Variants in CNTNAP5 observed in about 807,000 individuals in gnomAD.
CNTNAP5 encodes contactin-associated protein-like 5.
Under a neutral mutation model 150.2 loss-of-function variants are expected in CNTNAP5, and 72 were observed. That is an observed-to-expected ratio of 0.48 (90% confidence interval 0.40 to 0.58). The LOEUF is 0.58. CNTNAP5 is among the 20% of genes least tolerant of loss of function. CNTNAP5 has a pLI of 0.00. For missense variants in CNTNAP5, 1,636 were observed against 1,626.2 expected (o/e 1.01, Z -0.10); for synonymous variants, 672 against 619.8 (o/e 1.08, Z -1.25).
At chr2:124,242,128 T>C (rs1274509790) in intron 2 of CNTNAP5, 72 bp from the exon 3 acceptor site, 2 of 1,244,884 alleles carry the variant, frequency 1.6e-6, no homozygotes, top group Non-Finnish European at 2.3e-6. Flanking sequence ...TCATTTCCCT[T>C]TGATAGTTGA....
chr2:124,310,759 C>T (rs925998243), intron 3 of CNTNAP5, among the ~76,000 whole-genome samples: 2 of 152,074 alleles, frequency 1.3e-5, no homozygotes, highest in African/African-American at 4.8e-5. Flanking sequence ...ATAAAAATGG[C>T]TATTTTTAAA....
intron 1 of CNTNAP5, among the ~76,000 whole-genome samples, chr2:124,119,205 G>A (rs903691121): frequency 6.6e-5 from 10 of 152,100 alleles, no homozygotes; most frequent in South Asian, 2.1e-4. Flanking sequence ...CACTCTCATC[G>A]CGTCACTGCT....
chr2:124,776,214 T>TGAAGATG, intron 17 of CNTNAP5, among the ~76,000 whole-genome samples: 1 of 152,282 alleles, frequency 6.6e-6, no homozygotes, highest in East Asian at 1.9e-4. Flanking sequence ...GGAAATCTTG[T>TGAAGATG]GAAGATGGGG....
chr2:124,213,040 G>A lies in CNTNAP5; in HGVS notation c.83-8665G>A, dbSNP rs528609760. Among the ~76,000 whole-genome samples the A allele has an allele frequency of 2.1e-4, 32 of 151,792 alleles. 1 individual carries two copies. The South Asian group carries it at 5.2e-3, about 25-fold the overall frequency. Reference sequence around the variant, plus strand: ...TTTTTAGTAGAGACCGGGTTTCACCGTGTTAGCCAGGATGGTCTCGATCTC... The same window carrying A: ...TTTTTAGTAGAGACCGGGTTTCACCATGTTAGCCAGGATGGTCTCGATCTC... On this transcript the variant is annotated intron_variant, in intron 1 of 23. Transcript: ENST00000682447.
chr2:124,469,639 T>A (rs566046242), intron 6 of CNTNAP5, among the ~76,000 whole-genome samples: 1 of 152,020 alleles, frequency 6.6e-6, no homozygotes, highest in Non-Finnish European at 1.5e-5. Context: ...TAGGTAAACA[T>A]GTGTCATAGT....
At chr2:124,741,817 T>A (rs116517091) in intron 13 of CNTNAP5, among the ~76,000 whole-genome samples, 5,545 of 152,190 alleles carry the variant, frequency 0.036, 361 homozygotes, top group African/African-American at 0.13. Flanking sequence ...TTCCTCTCCC[T>A]CCTCCTCCTT....
At position 124,345,008 on chromosome 2, in the gene CNTNAP5, T is replaced by C. The variant is rs554324272; in HGVS notation, c.382-72435T>C. 7.2e-5 allele frequency among the ~76,000 whole-genome samples: 11 copies of C among 152,262 alleles called. 1 individual carries two copies. The South Asian group carries it at 2.3e-3, about 32-fold the overall frequency. On this transcript the variant is annotated intron_variant, in intron 3 of 23. Coordinates refer to ENST00000682447, the MANE Select transcript of CNTNAP5 (RefSeq NM_001367498.1). ...AAGTTATCAGTTCGGTGACTGCTTG[T>C]AAGACCTTTTAATTTTCTTTGCTTA... is the stretch of plus-strand genomic sequence containing the variant.
At chr2:124,633,109 C>T (rs1276084636) in intron 12 of CNTNAP5, among the ~76,000 whole-genome samples, 1 of 152,098 alleles carries the variant, frequency 6.6e-6, no homozygotes, top group Non-Finnish European at 1.5e-5. Context: ...TCAAATAATT[C>T]TGCCTCTAGC....
At chr2:124,847,768 C>T (rs576118647) in intron 19 of CNTNAP5, among the ~76,000 whole-genome samples, 3 of 152,204 alleles carry the variant, frequency 2.0e-5, no homozygotes, top group South Asian at 2.1e-4. Flanking sequence ...TCTTAATTCT[C>T]GAGAATATTC....
At chr2:124,479,497 T>C (rs1558920456) in intron 7 of CNTNAP5, among the ~76,000 whole-genome samples, 2 of 152,180 alleles carry the variant, frequency 1.3e-5, no homozygotes, top group Non-Finnish European at 2.9e-5. Context: ...TTGTCTTCAA[T>C]AGAAGGGAAG....
chr2:124,063,994 T>C (rs918978799), intron 1 of CNTNAP5, among the ~76,000 whole-genome samples: 1 of 152,058 alleles, frequency 6.6e-6, no homozygotes, highest in Non-Finnish European at 1.5e-5. Context: ...AACATATTGC[T>C]CCCGTTGCTG....
At chr2:124,425,290 G>A (rs1381122058) in intron 4 of CNTNAP5, among the ~76,000 whole-genome samples, 1 of 152,144 alleles carries the variant, frequency 6.6e-6, no homozygotes, top group Non-Finnish European at 1.5e-5. Flanking sequence ...ACTACCGTAA[G>A]GGAGAAAAAT....
At chr2:124,750,463 G>T (rs955267946) in intron 14 of CNTNAP5, among the ~76,000 whole-genome samples, 3 of 152,082 alleles carry the variant, frequency 2.0e-5, no homozygotes, top group Non-Finnish European at 4.4e-5. Flanking sequence ...GTGATAAAGG[G>T]TTTTTATAAA....
chr2:124,451,830 T>C (rs1282694000), intron 6 of CNTNAP5, among the ~76,000 whole-genome samples: 1 of 152,010 alleles, frequency 6.6e-6, no homozygotes, highest in Non-Finnish European at 1.5e-5. Context: ...GATTTTGACC[T>C]TACTTGGAGC....
At chr2:124,304,425 T>C (rs1688632303) in intron 3 of CNTNAP5, among the ~76,000 whole-genome samples, 1 of 146,842 alleles carries the variant, frequency 6.8e-6, no homozygotes, top group African/African-American at 2.7e-5. Flanking sequence ...ATAAAAACAC[T>C]GAACCAAGAA....
At chr2:124,577,712 C>G (rs763710285) in intron 11 of CNTNAP5, among the ~76,000 whole-genome samples, 12 of 151,980 alleles carry the variant, frequency 7.9e-5, no homozygotes, top group Admixed American at 2.0e-4. Flanking sequence ...AGGCACCAAA[C>G]AAGGAGAAGG....
intron 22 of CNTNAP5, among the ~76,000 whole-genome samples, chr2:124,903,821 AC>A (rs1678467790): frequency 1.3e-5 from 2 of 152,220 alleles, no homozygotes; most frequent in Admixed American, 1.3e-4. Flanking sequence ...TGGGAGGCAA[AC>A]GCAGGAGGAT....
At position 124,588,119 on chromosome 2, in the gene CNTNAP5, T is replaced by C. The variant is rs186097099; in HGVS notation, c.1757-21682T>C. ...CTTTTCTTCCTTCCTTCCCTCCTTT[T>C]CCTTCCTTCCTTTTCCTTCCTTCCT... On this transcript the variant is annotated intron_variant, in intron 11 of 23. Transcript: ENST00000682447. 1.1e-3 allele frequency among the ~76,000 whole-genome samples: 165 copies of C among 149,914 alleles called. 1 individual carries two copies. Among genetic ancestry groups the C allele is most frequent in the African/African-American group, 3.8e-3 (154 of 40,046 alleles).
chr2:124,328,843 A>G (rs1047502946), intron 3 of CNTNAP5, among the ~76,000 whole-genome samples: 1 of 152,174 alleles, frequency 6.6e-6, no homozygotes, highest in South Asian at 2.1e-4. Flanking sequence ...GGAAAAGGGT[A>G]AGCTTCCTCT....
Sources: gnomAD v4.1 joint callset for allele counts (sites outside exome capture counted in the v4.1 genomes callset) on GRCh38, gnomAD v4.1.1 for gene constraint, MANE v1.5 for transcripts, NCBI Gene and HGNC (gene_info 2026-07-23, HGNC 2026-07-21) for gene names.